KLF15: variants seen among roughly 807,000 people sequenced by gnomAD.
KLF15 encodes the protein KLF transcription factor 15.
In KLF15, 4 loss-of-function variants were observed where a neutral mutation model predicts 24.6. The ratio of observed to expected loss-of-function variants is 0.16; its 90% confidence interval spans 0.08 to 0.37. The LOEUF is 0.37. Among genes scored for constraint, KLF15 ranks in the 10% least tolerant of loss-of-function variants. The probability of loss-of-function intolerance (pLI) is 1.00; values close to 1 mark genes in which losing one functional copy is unlikely to be tolerated. For missense variants in KLF15, 496 were observed against 560.6 expected (o/e 0.88, Z 1.16); for synonymous variants, 246 against 236.3 (o/e 1.04, Z -0.37).
chr3:126,341,023 T>C (rs183413181), downstream of KLF15, among the ~76,000 whole-genome samples: 143 of 152,276 alleles, frequency 9.4e-4, 1 homozygote, highest in African/African-American at 3.2e-3. Flanking sequence ...GCGAAGGAGC[T>C]GAAATCTAGA....
At chr3:126,301,291 C>T in the KLF15 span, among the ~76,000 whole-genome samples, 12,220 of 152,264 alleles carry the variant, frequency 0.08, 1,513 homozygotes, top group African/African-American at 0.27. Context: ...TTCTCGCTAA[C>T]AAGGAGTGAA....
At chr3:126,346,504 G>A (rs1004793326) in intron 2 of KLF15, among the ~76,000 whole-genome samples, 22 of 152,178 alleles carry the variant, frequency 1.4e-4, no homozygotes, top group African/African-American at 5.1e-4. Flanking sequence ...GAAGACTCTG[G>A]CATTCCTGCC....
At chr3:126,303,315 T>C in the KLF15 span, among the ~76,000 whole-genome samples, 51,628 of 151,666 alleles carry the variant, frequency 0.34, 9,580 homozygotes, top group Non-Finnish European at 0.43. Context: ...CTTCTGGTAG[T>C]ATTTTTTTGG....
chr3:126,313,887 G>C, the KLF15 span, among the ~76,000 whole-genome samples: 3 of 152,314 alleles, frequency 2.0e-5, no homozygotes, highest in East Asian at 5.8e-4. Context: ...TTCAGCTGAG[G>C]CTTGAGCAGA....
chr3:126,350,523 C>T (rs551013199), intron 2 of KLF15, among the ~76,000 whole-genome samples: 1 of 152,354 alleles, frequency 6.6e-6, no homozygotes, highest in South Asian at 2.1e-4. Flanking sequence ...ACATTCCACT[C>T]ACAGCTCCCT....
chr3:126,309,110 G>A, the KLF15 span, among the ~76,000 whole-genome samples: 1 of 152,270 alleles, frequency 6.6e-6, no homozygotes, highest in African/African-American at 2.4e-5. Context: ...GCAAGGCGTA[G>A]GCCTGAGGGA....
chr3:126,342,211 C>T (rs937927334), downstream of KLF15, among the ~76,000 whole-genome samples: 8 of 152,176 alleles, frequency 5.3e-5, no homozygotes, highest in African/African-American at 1.9e-4. Context: ...AGCCACGTTC[C>T]TAAGGGGGTA....
chr3:126,300,135 G>A, the KLF15 span, among the ~76,000 whole-genome samples: 1 of 152,106 alleles, frequency 6.6e-6, no homozygotes, highest in Non-Finnish European at 1.5e-5. Context: ...GGGACCCGGG[G>A]ACTTCAGGCT....
chr3:126,342,384 G>C (rs758572053), downstream of KLF15, among the ~76,000 whole-genome samples: 2 of 152,196 alleles, frequency 1.3e-5, no homozygotes, highest in African/African-American at 4.8e-5. Context: ...GTCGGAATGT[G>C]GGCTGGATTT....
chr3:126,341,850 C>T (rs1219828432), downstream of KLF15, among the ~76,000 whole-genome samples: 1 of 152,148 alleles, frequency 6.6e-6, no homozygotes, highest in East Asian at 1.9e-4. Flanking sequence ...CTTCCCACTG[C>T]ACATGACTGG....
chr3:126,339,920 T>C (rs146481466), downstream of KLF15, among the ~76,000 whole-genome samples: 505 of 152,278 alleles, frequency 3.3e-3, 3 homozygotes, highest in African/African-American at 0.011. Flanking sequence ...GGCTCCTACG[T>C]AGGGCCTTTT....
the KLF15 span, among the ~76,000 whole-genome samples, chr3:126,307,662 C>T: frequency 1.3e-5 from 2 of 152,172 alleles, no homozygotes; most frequent in African/African-American, 4.8e-5. Context: ...GCATTAAAGA[C>T]CGGGATATTT....
intron 2 of KLF15, among the ~76,000 whole-genome samples, chr3:126,345,435 G>A (rs531471168): frequency 1.3e-5 from 2 of 152,104 alleles, no homozygotes; most frequent in East Asian, 3.9e-4. Context: ...GCAGCCCTAG[G>A]GGGGCAGACA....
At chr3:126,350,272 C>A (rs902583271) in intron 2 of KLF15, among the ~76,000 whole-genome samples, 4 of 152,230 alleles carry the variant, frequency 2.6e-5, no homozygotes, top group Admixed American at 2.0e-4. Flanking sequence ...CAGCCATGCA[C>A]CCACTCGGCA....
chr3:126,321,723 C>T, the KLF15 span, among the ~76,000 whole-genome samples: 5 of 152,190 alleles, frequency 3.3e-5, no homozygotes, highest in Non-Finnish European at 1.5e-5. Flanking sequence ...CCTTCTTTGA[C>T]TCGACATCCT....
the KLF15 span, among the ~76,000 whole-genome samples, chr3:126,328,370 T>C: frequency 6.6e-6 from 1 of 152,202 alleles, no homozygotes; most frequent in Admixed American, 6.5e-5. Context: ...TTTGCAATTG[T>C]GAATTGTGCT....
rs376956751 is a variant in KLF15 at position 126,343,927 on chromosome 3, G to GCCCTGCCTGC, written c.1083-42_1083-33dup. On this transcript the variant is annotated intron_variant, in intron 2 of 2. Coordinates refer to ENST00000296233, the MANE Select transcript of KLF15 (RefSeq NM_014079.4). The stretch of plus-strand genomic sequence containing the variant: ...GACATGGCGCGGTCAGCGAGGCCTG[G>GCCCTGCCTGC]CCCTGCCTGCCCCTGCCTGCCCCGA... The GCCCTGCCTGC allele has an allele frequency of 2.8e-4, 437 of 1,539,822 alleles. 1 individual carries two copies. The highest frequency in any genetic ancestry group is 3.6e-4 in the Non-Finnish European group (413 of 1,145,846).
At chr3:126,297,432 T>C in the KLF15 span, among the ~76,000 whole-genome samples, 1 of 152,244 alleles carries the variant, frequency 6.6e-6, no homozygotes, top group Non-Finnish European at 1.5e-5. Flanking sequence ...TTTGAATCCA[T>C]TTATGGTTTC....
the KLF15 span, among the ~76,000 whole-genome samples, chr3:126,323,109 A>T: frequency 6.6e-6 from 1 of 150,506 alleles, no homozygotes; most frequent in African/African-American, 2.4e-5. Flanking sequence ...TTTGGAAAAA[A>T]TTTAAATTTT....
Sources: allele counts gnomAD v4.1 joint callset (sites outside exome capture counted in the v4.1 genomes callset), GRCh38; gene constraint gnomAD v4.1.1; transcripts MANE v1.5; gene names NCBI Gene and HGNC (gene_info 2026-07-23, HGNC 2026-07-21).